ERCC6L2: variants seen among roughly 807,000 people sequenced by gnomAD.
ERCC6L2 encodes the protein DNA excision repair protein ERCC-6-like 2.
ERCC6L2 carries 77 observed loss-of-function variants against 132.0 expected under a neutral mutation model. That is an observed-to-expected ratio of 0.58 (90% confidence interval 0.49 to 0.71). ERCC6L2 has a LOEUF of 0.71. ERCC6L2 is among the 30% of genes least tolerant of loss of function. The pLI is 0.00. For missense variants in ERCC6L2, 1,542 were observed against 1,837.6 expected (o/e 0.84, Z 2.94); for synonymous variants, 583 against 632.4 (o/e 0.92, Z 1.17).
intron 17 of ERCC6L2, among the ~76,000 whole-genome samples, chr9:95,986,481 T>A (rs1186684487): frequency 1.3e-5 from 2 of 150,836 alleles, no homozygotes; most frequent in Admixed American, 1.3e-4. Flanking sequence ...TATGATTGTC[T>A]TCATATATCT....
intron 19 of ERCC6L2, chr9:96,027,539 C>T (rs1397587821): frequency 2.0e-5 from 3 of 152,206 alleles, no homozygotes; most frequent in African/African-American, 7.2e-5. Flanking sequence ...AACCGAAGGC[C>T]CCCGCGTGGA....
At chr9:95,992,489 A>G (rs1053393266) in intron 17 of ERCC6L2, among the ~76,000 whole-genome samples, 15 of 152,246 alleles carry the variant, frequency 9.9e-5, no homozygotes, top group African/African-American at 3.1e-4. Context: ...TGCATAACCA[A>G]AGAAAGCATG....
At chr9:95,901,076 A>G (rs554787894) in intron 3 of ERCC6L2, among the ~76,000 whole-genome samples, 1,753 of 132,072 alleles carry the variant, frequency 0.013, 44 homozygotes, top group African/African-American at 0.057. Context: ...TCTGTCTCAG[A>G]AAAAAAAAAA....
intron 13 of ERCC6L2, among the ~76,000 whole-genome samples, chr9:95,965,031 T>C (rs996350450): frequency 3.9e-5 from 6 of 152,198 alleles, no homozygotes; most frequent in Non-Finnish European, 8.8e-5. Context: ...ACCCGGGCTA[T>C]CACTTGTATC....
At chr9:95,898,357 T>C (rs963170891) in intron 3 of ERCC6L2, among the ~76,000 whole-genome samples, 9 of 152,138 alleles carry the variant, frequency 5.9e-5, no homozygotes, top group Non-Finnish European at 1.0e-4. Flanking sequence ...GTTACAGATA[T>C]TGGTAACAAA....
chr9:95,975,123 G>A (rs1451547826), intron 16 of ERCC6L2, among the ~76,000 whole-genome samples: 2 of 152,048 alleles, frequency 1.3e-5, no homozygotes, highest in African/African-American at 2.4e-5. Flanking sequence ...TTTAAAAATG[G>A]ATATACTATG....
intron 11 of ERCC6L2, among the ~76,000 whole-genome samples, chr9:95,939,299 T>G (rs1830693741): frequency 6.6e-6 from 1 of 151,798 alleles, no homozygotes; most frequent in Non-Finnish European, 1.5e-5. Flanking sequence ...TTTTTTTTCC[T>G]TATGAACTTT....
intron 18 of ERCC6L2, among the ~76,000 whole-genome samples, chr9:96,005,095 C>G (rs891758113): frequency 2.0e-5 from 3 of 152,098 alleles, no homozygotes; most frequent in Non-Finnish European, 4.4e-5. Context: ...GGGTGGATCA[C>G]GAGGTCAGGA....
At chr9:95,902,436 T>G (rs1001875913) in intron 3 of ERCC6L2, among the ~76,000 whole-genome samples, 1 of 152,104 alleles carries the variant, frequency 6.6e-6, no homozygotes, top group African/African-American at 2.4e-5. Flanking sequence ...AATGACAATT[T>G]AACAAAAATA....
Position 95,965,175 on chromosome 9 carries a change from A to C in ERCC6L2, c.1948-1387A>C, listed in dbSNP as rs143548811. On this transcript the variant is annotated intron_variant, in intron 13 of 18. Coordinates refer to ENST00000653738, the MANE Select transcript of ERCC6L2 (RefSeq NM_020207.7). Reference sequence around the variant, plus strand: ...GGTTTTTTTTAAGAGAGGCATCTTGAAAGTGAGAAATTAGTTAATAGTATA... The same window carrying C: ...GGTTTTTTTTAAGAGAGGCATCTTGCAAGTGAGAAATTAGTTAATAGTATA... Among the ~76,000 whole-genome samples, 602 of 152,292 alleles carry C rather than the reference A, an allele frequency of 4.0e-3. 2 individuals carry two copies. Among genetic ancestry groups the C allele is most frequent in the African/African-American group, 0.014 (574 of 41,570 alleles).
At chr9:95,879,287 C>T (rs1007209924) in intron 1 of ERCC6L2, among the ~76,000 whole-genome samples, 1 of 152,212 alleles carries the variant, frequency 6.6e-6, no homozygotes. Context: ...GACTATTAGT[C>T]ACCATCATTT....
At chr9:95,955,100 A>G (rs921817922) in intron 12 of ERCC6L2, among the ~76,000 whole-genome samples, 1 of 152,216 alleles carries the variant, frequency 6.6e-6, no homozygotes, top group African/African-American at 2.4e-5. Flanking sequence ...TAAAGCCTCC[A>G]TATGAGAGAA....
chr9:95,996,501 T>C (rs7024710), intron 17 of ERCC6L2, among the ~76,000 whole-genome samples: 99,471 of 152,156 alleles, frequency 0.65, 33,390 homozygotes, highest in African/African-American at 0.8. Flanking sequence ...TGGAAGATGT[T>C]ACCTAGGATT....
intron 14 of ERCC6L2, among the ~76,000 whole-genome samples, chr9:95,969,632 G>A (rs1343057381): frequency 2.0e-5 from 3 of 152,254 alleles, no homozygotes; most frequent in African/African-American, 7.2e-5. Flanking sequence ...ACCTGTTGTA[G>A]TCATTTAGCT....
rs1834080866 is a variant in ERCC6L2 at position 96,012,882 on chromosome 9, T to C, written c.4332T>C (p.Ile1444=). 3 of 1,367,636 alleles carry C rather than the reference T, an allele frequency of 2.2e-6. No homozygotes were observed. The highest frequency in any genetic ancestry group is 2.9e-6 in the Non-Finnish European group (3 of 1,021,854). 84.7% of individuals were successfully genotyped at this position (1,367,636 alleles called of 1,614,324 possible). Residue 1444 remains isoleucine, a synonymous_variant, in exon 19 of 19, where the codon ATT becomes ATC. Transcript: ENST00000653738. The part of the protein sequence containing the change: ...SVISLLGDTS[I]LDDLFKSHGN... ...TAAGCTTACTTGGTGATACCTCTAT[T>C]CTTGATGACCTTTTTAAAAGTCATG... is the stretch of plus-strand genomic sequence containing the variant.
chr9:95,927,758 A>G (rs996990446), intron 9 of ERCC6L2, among the ~76,000 whole-genome samples: 1 of 152,214 alleles, frequency 6.6e-6, no homozygotes, highest in South Asian at 2.1e-4. Context: ...GTATAAAGAA[A>G]GTGTATTTTG....
At chr9:96,025,965 T>C (rs924622564) in intron 19 of ERCC6L2, 2 of 152,146 alleles carry the variant, frequency 1.3e-5, no homozygotes, top group Non-Finnish European at 2.9e-5. Flanking sequence ...AAGATTCAGA[T>C]ATGGTGACTG....
At chr9:95,954,711 T>C (rs1210124966) in intron 12 of ERCC6L2, 1 of 465,870 alleles carries the variant, frequency 2.1e-6, no homozygotes, top group Non-Finnish European at 4.4e-6. Flanking sequence ...CTTAGATCCA[T>C]TTCTGGTTTT....
At chr9:95,957,253 A>G (rs1158195660) in intron 13 of ERCC6L2, among the ~76,000 whole-genome samples, 1 of 152,196 alleles carries the variant, frequency 6.6e-6, no homozygotes, top group East Asian at 1.9e-4. Flanking sequence ...TTCAGTTGGC[A>G]TCTATTTAAG....
Sources: allele counts gnomAD v4.1 joint callset (sites outside exome capture counted in the v4.1 genomes callset), GRCh38; gene constraint gnomAD v4.1.1; transcripts MANE v1.5; gene names NCBI Gene and HGNC (gene_info 2026-07-23, HGNC 2026-07-21).